ZDHHC1: variants seen among roughly 807,000 people sequenced by gnomAD.
The protein encoded by ZDHHC1 is palmitoyltransferase ZDHHC1.
A neutral mutation model predicts 46.9 loss-of-function variants in ZDHHC1; 45 were observed. That is an observed-to-expected ratio of 0.96 (90% CI 0.76 to 1.23). The LOEUF is 1.23. ZDHHC1 is among the 50% of genes most tolerant of loss of function. The pLI, the probability that ZDHHC1 is intolerant of heterozygous loss-of-function variation, is 0.00. For missense variants in ZDHHC1, 649 were observed against 670.8 expected (o/e 0.97, Z 0.36); for synonymous variants, 291 against 286.0 (o/e 1.02, Z -0.18).
chr16:67,395,107 A>C (rs768256288), intron 10 of ZDHHC1, 45 bp from the exon 11 acceptor site: 26 of 1,613,114 alleles, frequency 1.6e-5, no homozygotes, highest in Middle Eastern at 3.3e-4. Flanking sequence ...TCGCCAAAAG[A>C]AGCAGAGGCG....
chr16:67,413,442 C>T (rs1342132394), intron 1 of ZDHHC1, among the ~76,000 whole-genome samples: 2 of 152,156 alleles, frequency 1.3e-5, no homozygotes, highest in African/African-American at 4.8e-5. Flanking sequence ...GGGACAAGTA[C>T]TTTGTTTATT....
chr16:67,407,870 A>C (rs541154286), intron 1 of ZDHHC1, 57 bp from the exon 2 acceptor site: 1 of 742,678 alleles, frequency 1.3e-6, no homozygotes, highest in African/African-American at 1.7e-5. Context: ...GTCCACCCTA[A>C]GCCATCTGGC....
Position 67,401,185 on chromosome 16 carries a change from C to T in ZDHHC1, c.253-53G>A, listed in dbSNP as rs1271841075. On this transcript the variant is annotated intron_variant, in intron 3 of 11. Transcript: ENST00000565726. The surrounding 1 kb of genome is among the most constrained non-coding windows in gnomAD (Gnocchi z 4.6). ...CACTCTGCCGGCTGGGAGTCCTGCCCCGTTCCTTGCAGCCAGAGAACTCCC... is the reference window on the plus strand; with the variant it reads ...CACTCTGCCGGCTGGGAGTCCTGCCTCGTTCCTTGCAGCCAGAGAACTCCC... 4.4e-6 allele frequency: 7 copies of T among 1,589,920 alleles called. No individual in the cohort carries two copies. The highest frequency in any genetic ancestry group is 6.0e-6 in the Non-Finnish European group (7 of 1,169,072).
rs191559229 is a variant in ZDHHC1 at position 67,396,702 on chromosome 16, G to A, written c.928-1136C>T. Among the ~76,000 whole-genome samples, 886 of 152,294 alleles carry A rather than the reference G, an allele frequency of 5.8e-3. 12 individuals are homozygous for A. The highest frequency in any genetic ancestry group is 0.021 in the African/African-American group (853 of 41,554). On this transcript the variant is annotated intron_variant, in intron 8 of 11. Transcript: ENST00000565726. ...GCCAGCCTGGGCCGAGGAGCGCGGG[G>A]TCAGGGGTCAGAGGCCAGTCACAGG... is the stretch of plus-strand genomic sequence containing the variant.
intron 8 of ZDHHC1, chr16:67,395,866 T>TAC: frequency 9.9e-6 from 4 of 404,010 alleles, no homozygotes; most frequent in East Asian, 4.7e-5. Flanking sequence ...CAGGGAGTGG[T>TAC]GGGAAGCTCA....
At chr16:67,396,470 CAG>C (rs2040435285) in intron 8 of ZDHHC1, among the ~76,000 whole-genome samples, 2 of 152,082 alleles carry the variant, frequency 1.3e-5, no homozygotes, top group African/African-American at 4.8e-5. Context: ...CTGACTAATG[CAG>C]AGAGGACACT....
chr16:67,395,226 G>A lies in ZDHHC1; in HGVS notation c.1065C>T (p.Ser355=). 6.2e-7 allele frequency: 1 copy of A among 1,606,776 alleles called. No homozygotes were observed. ...GGGGAGGCAGGGCGAGAGTGTCTGGGGAAGAGGGTGGTGGAGGTTCCGCTT... is the reference window on the plus strand; with the variant it reads ...GGGGAGGCAGGGCGAGAGTGTCTGGAGAAGAGGGTGGTGGAGGTTCCGCTT... ...RGQAEPPPPS[S]PDTLALPPRI... Residue 355 remains serine (S), a synonymous_variant, in exon 10 of 12, where the codon TCC becomes TCT. Coordinates refer to ENST00000565726, the MANE Select transcript of ZDHHC1 (RefSeq NM_001323627.2).
chr16:67,406,136 G>A lies in ZDHHC1; in HGVS notation c.252+64C>T, dbSNP rs772323214. On this transcript the variant is annotated intron_variant, in intron 3 of 11. Transcript: ENST00000565726. This position sits in a 1 kb window ranked among gnomAD's most constrained non-coding sequence, Gnocchi z 4.1. ...GCTCTCAACCCGGCTTTGGGCCTCC[G>A]CTGTGCCAGCCATCCTTTGCCTCCC... 13 of 1,556,190 alleles carry A rather than the reference G, an allele frequency of 8.4e-6. No homozygotes were observed. Among genetic ancestry groups the A allele is most frequent in the Admixed American group, 3.6e-5 (2 of 54,852 alleles).
At position 67,399,364 on chromosome 16, in the gene ZDHHC1, C is replaced by G; in HGVS notation, c.521G>C (p.Arg174Pro). The G allele has an allele frequency of 2.5e-6, 4 of 1,612,806 alleles. No individual in the cohort carries two copies. The highest frequency in any genetic ancestry group is 3.4e-6 in the Non-Finnish European group (4 of 1,179,490). Reference protein sequence around the residue: ...CKWLNNCVGERNYRLFLHSVA... With the variant: ...CKWLNNCVGEPNYRLFLHSVA... ...GCCGGGCTGTCCTCACCGGTAGTTC[C>G]GCTCGCCCACACAGTTGTTGAGCCA... is the stretch of plus-strand genomic sequence containing the variant. The change falls in exon 5 of 12, where the codon CGG becomes CCG. Residue 174 changes from arginine to proline, a missense_variant. Arg to Pro is a moderately radical substitution (Grantham distance 103). Coordinates refer to ENST00000565726, the MANE Select transcript of ZDHHC1 (RefSeq NM_001323627.2).
chr16:67,409,258 T>G (rs2040712188), intron 1 of ZDHHC1, among the ~76,000 whole-genome samples: 1 of 151,282 alleles, frequency 6.6e-6, no homozygotes, highest in Non-Finnish European at 1.5e-5. Context: ...TACCCGCTGA[T>G]ACTCCAAATC....
At position 67,416,383 on chromosome 16, in the gene ZDHHC1, C is replaced by A; in HGVS notation, c.-251G>T. On this transcript the variant is annotated 5_prime_UTR_variant, in exon 1 of 12. Transcript: ENST00000565726. ...GAGTCCTCGAGCTCTGGCTCTGGCTCCGGCTCCGGCTCCGGCTCCGGCTCC... is the reference window on the plus strand; with the variant it reads ...GAGTCCTCGAGCTCTGGCTCTGGCTACGGCTCCGGCTCCGGCTCCGGCTCC... The A allele has an allele frequency of 6.6e-6, 1 of 152,290 alleles. No individual in the cohort carries two copies. Among genetic ancestry groups the A allele is most frequent in the Non-Finnish European group, 1.1e-5 (1 of 89,444 alleles). 9.4% of individuals were successfully genotyped at this position (152,290 alleles called of 1,614,324 possible).
Position 67,416,406 on chromosome 16 carries a change from T to C in ZDHHC1, c.-274A>G. On this transcript the variant is annotated 5_prime_UTR_variant, in exon 1 of 12. Transcript: ENST00000565726. The stretch of plus-strand genomic sequence containing the variant: ...CTCCGGCTCCGGCTCCGGCTCCGGC[T>C]CCGGCTCCGGCTCCAGCAGGCTGGA... The C allele has an allele frequency of 4.6e-6, 1 of 215,296 alleles. No homozygotes were observed. The highest frequency in any genetic ancestry group is 9.5e-6 in the Non-Finnish European group (1 of 105,398). 13.3% of individuals were successfully genotyped at this position (215,296 alleles called of 1,614,324 possible). A position where few individuals can be genotyped will look rare whatever the true frequency, so the allele number is the denominator to read the frequency against.
intron 3 of ZDHHC1, chr16:67,404,232 A>C (rs1597542816): frequency 1.3e-5 from 2 of 150,862 alleles, no homozygotes; most frequent in South Asian, 2.1e-4. Context: ...GGAGGGGGGG[A>C]GCCACAGGCC....
At chr16:67,395,315 G>C in intron 9 of ZDHHC1, 35 bp from the exon 10 acceptor site, 1 of 1,500,652 alleles carries the variant, frequency 6.7e-7, no homozygotes. Flanking sequence ...CCTGGGGCCT[G>C]TTCCCCAAAT....
intron 5 of ZDHHC1, 32 bp from the exon 6 acceptor site, chr16:67,398,976 C>A: frequency 1.2e-6 from 2 of 1,606,314 alleles, no homozygotes; most frequent in South Asian, 1.1e-5. Flanking sequence ...TGTCAGCTCC[C>A]CGGAGCTCCA....
At chr16:67,400,927 C>G in intron 4 of ZDHHC1, 30 bp downstream of exon 4, 1 of 1,606,460 alleles carries the variant, frequency 6.2e-7, no homozygotes, top group Non-Finnish European at 8.5e-7. Context: ...ACAGCACACT[C>G]GGCAGCCACA....
intron 3 of ZDHHC1, among the ~76,000 whole-genome samples, chr16:67,405,974 T>C (rs576441964): frequency 1.2e-4 from 18 of 152,220 alleles, no homozygotes; most frequent in Admixed American, 2.0e-4. Context: ...GGGCTTCATA[T>C]GCTCCTAGGT....
chr16:67,395,629 C>G, intron 8 of ZDHHC1, 63 bp from the exon 9 acceptor site: 1 of 1,491,170 alleles, frequency 6.7e-7, no homozygotes, highest in South Asian at 1.2e-5. Context: ...CTGCTGAGCC[C>G]TAAGCCCACG....
In ZDHHC1 at chr16:67,406,995, T is replaced by C. The variant is rs1188214691; in HGVS notation, c.10-553A>G. On this transcript the variant is annotated intron_variant, in intron 2 of 11. Transcript: ENST00000565726. The surrounding 1 kb of genome is among the most constrained non-coding windows in gnomAD (Gnocchi z 4.1). Reference sequence around the variant, plus strand: ...TGGGGGAGTCTGAAGCTCTGCCCCATGCTGCCTGAGGGTTCTCAGCTGGGG... The same window carrying C: ...TGGGGGAGTCTGAAGCTCTGCCCCACGCTGCCTGAGGGTTCTCAGCTGGGG... Among the ~76,000 whole-genome samples, 2 of 152,180 alleles carry C rather than the reference T, an allele frequency of 1.3e-5. No individual in the cohort carries two copies. The highest frequency in any genetic ancestry group is 4.8e-5 in the African/African-American group (2 of 41,442).
Sources: gnomAD v4.1 joint callset for allele counts (sites outside exome capture counted in the v4.1 genomes callset) on GRCh38, gnomAD v4.1.1 for gene constraint, Gnocchi (gnomAD v3.1) non-coding constraint, MANE v1.5 for transcripts, NCBI Gene and HGNC (gene_info 2026-07-23, HGNC 2026-07-21) for gene names.